Variants in DTNA observed in about 807,000 individuals in gnomAD.
DTNA encodes the protein dystrophin-related protein 3.
In DTNA, 43 loss-of-function variants were observed where a neutral mutation model predicts 100.7. The observed-to-expected ratio is 0.43, with a 90% confidence interval of 0.33 to 0.55. The LOEUF (loss-of-function observed/expected upper bound fraction) is 0.55, where lower values mean the gene tolerates loss of function less well. Ranked by LOEUF, DTNA falls within the 20% of genes least tolerant of loss-of-function variation. The pLI, the probability that DTNA is intolerant of heterozygous loss-of-function variation, is 0.04. For synonymous variants in DTNA, 349 were observed against 347.9 expected, an observed-to-expected ratio of 1.00 and a Z score of -0.04; for missense variants, 798 against 953.9, an observed-to-expected ratio of 0.84 and a Z score of 2.15.
At chr18:34,506,527 ATTTC>A (rs1220458902) in intron 1 of DTNA, among the ~76,000 whole-genome samples, 1 of 152,144 alleles carries the variant, frequency 6.6e-6, no homozygotes, top group African/African-American at 2.4e-5. Flanking sequence ...AACCACAATT[ATTTC>A]TTTCTTCTGT....
rs184957299 is a variant in DTNA at position 34,612,570 on chromosome 18, C to T, written c.-2+119056C>T. Among the ~76,000 whole-genome samples the T allele has an allele frequency of 2.9e-3, 442 of 152,206 alleles. 1 individual carries two copies. The highest frequency in any genetic ancestry group is 0.017 in the Middle Eastern group (5 of 294). ...AATAAAGGGTAATGTCCACTTCCAT[C>T]TTTCTGGAAAAAAAGAAAAAGAAAA... On this transcript the variant is annotated intron_variant, in intron 1 of 19. Transcript: ENST00000283365.
chr18:34,532,053 G>C (rs2043190915), intron 1 of DTNA, among the ~76,000 whole-genome samples: 2 of 152,050 alleles, frequency 1.3e-5, no homozygotes, highest in South Asian at 4.1e-4. Context: ...GTACCTCCTA[G>C]GTGAGGTGCT....
rs928511271 is a variant in DTNA at position 34,515,015 on chromosome 18, G to T, written c.-2+21501G>T. ...TTGGGAGGGTAGACTGAGTTTTTGGGTTGATAAAGCTTTGGGGGTTTGTTT... is the reference window on the plus strand; with the variant it reads ...TTGGGAGGGTAGACTGAGTTTTTGGTTTGATAAAGCTTTGGGGGTTTGTTT... On this transcript the variant is annotated intron_variant, in intron 1 of 19. Transcript: ENST00000283365. Among the ~76,000 whole-genome samples the T allele has an allele frequency of 2.6e-5, 4 of 152,064 alleles. No homozygotes were observed. The East Asian group carries it at 7.8e-4, about 29-fold the overall frequency.
intron 1 of DTNA, among the ~76,000 whole-genome samples, chr18:34,621,843 G>T (rs2056563843): frequency 6.6e-6 from 1 of 152,152 alleles, no homozygotes; most frequent in South Asian, 2.1e-4. Context: ...ATAAGTATAT[G>T]AAGTGATGCA....
At position 34,791,706 on chromosome 18, in the gene DTNA, G is replaced by T. The variant is rs572084754; in HGVS notation, c.149-2331G>T. Among the ~76,000 whole-genome samples the T allele has an allele frequency of 3.3e-5, 5 of 152,188 alleles. No homozygotes were observed. The South Asian group carries it at 8.3e-4, about 25-fold the overall frequency. ...AAACTAATAAATATTTATTTTAGTT[G>T]GTATGTGATTTGTACTCATCTGCTC... On this transcript the variant is annotated intron_variant, in intron 3 of 22. Coordinates refer to ENST00000444659, the MANE Select transcript of DTNA (RefSeq NM_001386795.1).
chr18:34,576,512 C>A (rs1200734833), intron 1 of DTNA, among the ~76,000 whole-genome samples: 1 of 152,172 alleles, frequency 6.6e-6, no homozygotes, highest in African/African-American at 2.4e-5. Flanking sequence ...GTCACCCAGG[C>A]TGGAGTGCAG....
chr18:34,760,797 A>G (rs1408475339), intron 2 of DTNA, among the ~76,000 whole-genome samples: 3 of 152,166 alleles, frequency 2.0e-5, no homozygotes, highest in Admixed American at 6.5e-5. Flanking sequence ...CCTGTTGGCA[A>G]TCTTGGCCCA....
chr18:34,880,727 C>G (rs537817292), intron 20 of DTNA, among the ~76,000 whole-genome samples: 1 of 152,148 alleles, frequency 6.6e-6, no homozygotes, highest in Non-Finnish European at 1.5e-5. Flanking sequence ...GAGGTGTGGT[C>G]TGAGAGTCAG....
Position 34,838,091 on chromosome 18 carries a change from T to C in DTNA, c.1176-3T>C. ...TTCTTGGCTTTCCCATCTTATTAACTAGCTCTCCTCCCAAGGACAGTGAAG... is the reference window on the plus strand; with the variant it reads ...TTCTTGGCTTTCCCATCTTATTAACCAGCTCTCCTCCCAAGGACAGTGAAG... On this transcript the variant is annotated splice_polypyrimidine_tract_variant and splice_region_variant and intron_variant, in intron 11 of 22. Coordinates refer to ENST00000444659, the MANE Select transcript of DTNA (RefSeq NM_001386795.1). The C allele has an allele frequency of 6.2e-7, 1 of 1,613,714 alleles. No homozygotes were observed. The highest frequency in any genetic ancestry group is 8.5e-7 in the Non-Finnish European group (1 of 1,179,762).
intron 1 of DTNA, among the ~76,000 whole-genome samples, chr18:34,727,051 C>T (rs996039522): frequency 6.6e-6 from 1 of 152,236 alleles, no homozygotes; most frequent in Admixed American, 6.5e-5. Flanking sequence ...ACGTAGAAGC[C>T]CCCAAGGCTT....
At chr18:34,858,539 C>A (rs1267395485) in intron 16 of DTNA, 141 bp downstream of exon 16, 3 of 803,198 alleles carry the variant, frequency 3.7e-6, no homozygotes, top group Non-Finnish European at 6.3e-6. Context: ...CACGTAATTG[C>A]TGATATTTGG....
At chr18:34,734,400 T>G (rs1280459364) in intron 1 of DTNA, among the ~76,000 whole-genome samples, 1 of 152,168 alleles carries the variant, frequency 6.6e-6, no homozygotes, top group Non-Finnish European at 1.5e-5. Flanking sequence ...TTCATCAGAA[T>G]CTTCCCACAC....
chr18:34,507,397 G>A (rs2040596274), intron 1 of DTNA, among the ~76,000 whole-genome samples: 2 of 152,144 alleles, frequency 1.3e-5, no homozygotes, highest in Admixed American at 6.5e-5. Context: ...TAACTGAGGA[G>A]CACCTCCTAG....
chr18:34,701,711 A>C (rs2081394109), intron 1 of DTNA, among the ~76,000 whole-genome samples: 1 of 152,190 alleles, frequency 6.6e-6, no homozygotes. Flanking sequence ...GCATTAAAGT[A>C]AATGGCATCT....
intron 3 of DTNA, among the ~76,000 whole-genome samples, chr18:34,788,960 G>T (rs1461356733): frequency 2.0e-5 from 3 of 152,220 alleles, no homozygotes. Context: ...GTAAATACAC[G>T]TTCTCTTTTA....
rs114247751 is a variant in DTNA, at chr18:34,703,118, G to A, written c.-1-52858G>A. Among the ~76,000 whole-genome samples the A allele has an allele frequency of 2.9e-3, 443 of 152,282 alleles. 2 individuals are homozygous for A. The highest frequency in any genetic ancestry group is 0.01 in the African/African-American group (417 of 41,556). ...ACAGTATGGTTAGGAAAGCTCAACC[G>A]CAGGATTGAATGTGGATTGTCGGGT... On this transcript the variant is annotated intron_variant, in intron 1 of 19. Coordinates refer to the DTNA transcript ENST00000283365.
chr18:34,579,186 G>A (rs1348777075), intron 1 of DTNA, among the ~76,000 whole-genome samples: 1 of 152,024 alleles, frequency 6.6e-6, no homozygotes, highest in Non-Finnish European at 1.5e-5. Context: ...TTTACTTGCT[G>A]TCCTTTGCTT....
intron 1 of DTNA, among the ~76,000 whole-genome samples, chr18:34,590,835 A>G (rs1245459414): frequency 6.6e-6 from 1 of 152,188 alleles, no homozygotes; most frequent in Admixed American, 6.5e-5. Flanking sequence ...TATAAATCTT[A>G]TCAATTGCCT....
intron 1 of DTNA, among the ~76,000 whole-genome samples, chr18:34,685,624 C>CT (rs1406642678): frequency 2.0e-5 from 3 of 152,130 alleles, no homozygotes; most frequent in Non-Finnish European, 1.5e-5. Flanking sequence ...TATACAGGCT[C>CT]TTTTTTGTTT....
Sources: allele counts gnomAD v4.1 joint callset (sites outside exome capture counted in the v4.1 genomes callset), GRCh38; gene constraint gnomAD v4.1.1; transcripts MANE v1.5; gene names NCBI Gene and HGNC (gene_info 2026-07-23, HGNC 2026-07-21).